Variants in WLS observed in about 807,000 individuals in gnomAD.
WLS encodes the protein protein wntless homolog.
WLS carries 23 observed loss-of-function variants against 62.8 expected under a neutral mutation model. The observed-to-expected ratio is 0.37, with a 90% confidence interval of 0.26 to 0.52. The LOEUF (loss-of-function observed/expected upper bound fraction) is 0.52. Among genes scored for constraint, WLS ranks in the 20% least tolerant of loss-of-function variants. WLS has a pLI of 0.92. For missense variants in WLS, 615 were observed against 697.3 expected, an observed-to-expected ratio of 0.88 and a Z score of 1.33; for synonymous variants, 246 against 244.1, an observed-to-expected ratio of 1.01 and a Z score of -0.07.
intron 11 of WLS, among the ~76,000 whole-genome samples, chr1:68,113,169 G>A (rs1646249936): frequency 6.6e-6 from 1 of 152,194 alleles, no homozygotes; most frequent in African/African-American, 2.4e-5. Flanking sequence ...CATATCCTGA[G>A]TCATCCAACC....
chr1:68,214,538 T>C (rs1649653921), intron 1 of WLS, among the ~76,000 whole-genome samples: 1 of 152,140 alleles, frequency 6.6e-6, no homozygotes, highest in South Asian at 2.1e-4. Context: ...CTAATTTTTG[T>C]ATTTTTTAAT....
chr1:68,229,527 T>G (rs1319112385), intron 1 of WLS, among the ~76,000 whole-genome samples: 1 of 152,190 alleles, frequency 6.6e-6, no homozygotes, highest in African/African-American at 2.4e-5. Flanking sequence ...TTTCTGAACT[T>G]TACCTTGACT....
chr1:68,228,502 A>G (rs1249969862), intron 1 of WLS, among the ~76,000 whole-genome samples: 1 of 152,162 alleles, frequency 6.6e-6, no homozygotes, highest in Non-Finnish European at 1.5e-5. Flanking sequence ...CTGCCTTTTC[A>G]GGAGCTAAAT....
intron 2 of WLS, among the ~76,000 whole-genome samples, chr1:68,191,291 A>C (rs1197369863): frequency 6.6e-6 from 1 of 152,160 alleles, no homozygotes; most frequent in Non-Finnish European, 1.5e-5. Context: ...CCACCCAAAC[A>C]TACATAAATC....
At chr1:68,149,767 A>C (rs1234839376) in intron 6 of WLS, among the ~76,000 whole-genome samples, 1 of 152,176 alleles carries the variant, frequency 6.6e-6, no homozygotes, top group African/African-American at 2.4e-5. Context: ...ACATTCTCTG[A>C]TGGTTAACCT....
chr1:68,127,037 T>G (rs1646441872), intron 11 of WLS: 1 of 366,298 alleles, frequency 2.7e-6, no homozygotes, highest in African/African-American at 2.2e-5. Flanking sequence ...AAAAAAAAAT[T>G]TGTTTTAATT....
At chr1:68,153,093 A>G (rs1238202170) in intron 5 of WLS, among the ~76,000 whole-genome samples, 15 of 152,154 alleles carry the variant, frequency 9.9e-5, no homozygotes, top group Non-Finnish European at 1.2e-4. Context: ...AGCCTGGGCA[A>G]CATAGGGAAA....
In WLS at chr1:68,231,646, G is replaced by A. The variant is rs1348018030; in HGVS notation, c.106+548C>T. The A allele has an allele frequency of 9.2e-6, 4 of 435,282 alleles. No homozygotes were observed. The Admixed American group carries it at 9.7e-5, about 11-fold the overall frequency. The allele number at this position is 435,282 out of a possible 1,614,324, so 27.0% of individuals were successfully genotyped here. Reference sequence around the variant, plus strand: ...GGGAAAGCAGAGGGCGCGAAGGTCGGGACCCCAAATTGCAAACCCTCAGCC... The same window carrying A: ...GGGAAAGCAGAGGGCGCGAAGGTCGAGACCCCAAATTGCAAACCCTCAGCC... On this transcript the variant is annotated intron_variant, in intron 1 of 11. Coordinates refer to ENST00000262348, the MANE Select transcript of WLS (RefSeq NM_024911.7).
intron 1 of WLS, among the ~76,000 whole-genome samples, chr1:68,213,106 C>T (rs1649579913): frequency 6.6e-6 from 1 of 152,100 alleles, no homozygotes. Context: ...AAAGACATGC[C>T]TCTGTTTTTA....
At chr1:68,132,285 T>A (rs1345174588) in intron 11 of WLS, among the ~76,000 whole-genome samples, 1 of 152,134 alleles carries the variant, frequency 6.6e-6, no homozygotes, top group Non-Finnish European at 1.5e-5. Context: ...CACTGGGGAA[T>A]GGGAAAACGC....
At chr1:68,172,154 C>A (rs902705625) in intron 2 of WLS, among the ~76,000 whole-genome samples, 1 of 149,162 alleles carries the variant, frequency 6.7e-6, no homozygotes, top group African/African-American at 2.5e-5. Context: ...CACACCTGGG[C>A]CTGTTGAGGG....
chr1:68,226,931 C>T (rs1650166612), intron 1 of WLS, among the ~76,000 whole-genome samples: 1 of 152,112 alleles, frequency 6.6e-6, no homozygotes. Context: ...TGTAAAATGT[C>T]ATGTAGGAAG....
At chr1:68,222,628 C>G in intron 1 of WLS, among the ~76,000 whole-genome samples, 1 of 152,174 alleles carries the variant, frequency 6.6e-6, no homozygotes, top group East Asian at 1.9e-4. Flanking sequence ...CAAGCCATGG[C>G]TCCACCTCTA....
At chr1:68,186,931 G>A (rs1409380007) in intron 2 of WLS, among the ~76,000 whole-genome samples, 1 of 151,948 alleles carries the variant, frequency 6.6e-6, no homozygotes, top group East Asian at 1.9e-4. Context: ...TTAGCAGCTG[G>A]CCAGGCATGG....
chr1:68,154,925 A>C (rs1047847011), intron 4 of WLS, among the ~76,000 whole-genome samples, 174 bp downstream of exon 4: 7 of 152,230 alleles, frequency 4.6e-5, no homozygotes, highest in African/African-American at 1.7e-4. Flanking sequence ...CAATAATTGC[A>C]TTGTTTCCCA....
At chr1:68,124,090 T>C (rs1646395548), downstream of WLS, among the ~76,000 whole-genome samples, 1 of 152,186 alleles carries the variant, frequency 6.6e-6, no homozygotes, top group South Asian at 2.1e-4. Flanking sequence ...AATTTGACTC[T>C]GATCGATCTT....
chr1:68,111,297 ATAAC>A (rs368098154), intron 11 of WLS, among the ~76,000 whole-genome samples: 4 of 152,228 alleles, frequency 2.6e-5, no homozygotes, highest in African/African-American at 9.6e-5. Context: ...AACCTAGAGA[ATAAC>A]TAAGGCTGGG....
chr1:68,201,808 C>T (rs1480911577), intron 1 of WLS, among the ~76,000 whole-genome samples: 1 of 151,992 alleles, frequency 6.6e-6, no homozygotes, highest in Non-Finnish European at 1.5e-5. Context: ...TAATTTGTAC[C>T]GTACACACAA....
intron 11 of WLS, among the ~76,000 whole-genome samples, chr1:68,110,007 T>TTAAAAAA (rs1253049692): frequency 3.5e-5 from 1 of 28,456 alleles, no homozygotes; most frequent in Non-Finnish European, 6.3e-5. Flanking sequence ...ACACAAAAAG[T>TTAAAAAA]AAAAAAAAAA....
Sources: allele counts gnomAD v4.1 joint callset (sites outside exome capture counted in the v4.1 genomes callset), GRCh38; gene constraint gnomAD v4.1.1; transcripts MANE v1.5; gene names NCBI Gene and HGNC (gene_info 2026-07-23, HGNC 2026-07-21).